The following LRMDA variants were observed in gnomAD, a reference collection of about 807,000 sequenced individuals.
LRMDA encodes the protein leucine-rich melanocyte differentiation-associated protein.
LRMDA carries 18 observed loss-of-function variants against 29.8 expected under a neutral mutation model. The observed-to-expected ratio is 0.60, with a 90% CI of 0.42 to 0.90. The LOEUF (loss-of-function observed/expected upper bound fraction) is 0.90. LRMDA is among the 40% of genes least tolerant of loss of function. The pLI, the probability that LRMDA is intolerant of heterozygous loss-of-function variation, is 0.00. For missense variants in LRMDA, 273 were observed against 273.9 expected, an observed-to-expected ratio of 1.00 and a Z score of 0.02; for synonymous variants, 125 against 109.4, an observed-to-expected ratio of 1.14 and a Z score of -0.89.
At chr10:76,155,583 A>G (rs2132170812) in intron 5 of LRMDA, among the ~76,000 whole-genome samples, 1 of 152,230 alleles carries the variant, frequency 6.6e-6, no homozygotes, top group East Asian at 1.9e-4. Context: ...CTTCCTATTT[A>G]ACTTACATCC....
At chr10:75,996,893 C>T (rs1325182384) in intron 2 of LRMDA, among the ~76,000 whole-genome samples, 5 of 151,894 alleles carry the variant, frequency 3.3e-5, no homozygotes, top group South Asian at 2.1e-4. Flanking sequence ...CCACCATGCC[C>T]GGCTAATTTT....
intron 5 of LRMDA, among the ~76,000 whole-genome samples, chr10:76,086,606 T>C (rs939662754): frequency 6.6e-6 from 1 of 152,196 alleles, no homozygotes; most frequent in African/African-American, 2.4e-5. Context: ...CCAAGTCCCT[T>C]CTCTGTGGCT....
chr10:75,771,313 C>G (rs1489224829), intron 2 of LRMDA, among the ~76,000 whole-genome samples: 2 of 151,844 alleles, frequency 1.3e-5, no homozygotes, highest in Non-Finnish European at 2.9e-5. Flanking sequence ...TCCATTTAGC[C>G]AAGAGTTCTT....
chr10:76,447,684 A>C lies in LRMDA; in HGVS notation c.602-109525A>C, dbSNP rs144178928. Among the ~76,000 whole-genome samples the C allele has an allele frequency of 2.1e-3, 316 of 152,270 alleles. 1 individual carries two copies. Among genetic ancestry groups the C allele is most frequent in the African/African-American group, 7.1e-3 (293 of 41,558 alleles). ...CTGTTCATTCCTGTCTCACATGTAC[A>C]TGGTGATATAGTTCACAGCCTTAAT... On this transcript the variant is annotated intron_variant, in intron 6 of 6. Transcript: ENST00000611255.
chr10:75,483,696 T>TAATTTTATAATA (rs1192748011), intron 2 of LRMDA, among the ~76,000 whole-genome samples: 2 of 152,228 alleles, frequency 1.3e-5, no homozygotes. Flanking sequence ...TTTAAATTAC[T>TAATTTTATAATA]AATTTTATAA....
At chr10:76,057,351 C>T (rs889875924) in intron 4 of LRMDA, among the ~76,000 whole-genome samples, 3 of 152,150 alleles carry the variant, frequency 2.0e-5, no homozygotes, top group Non-Finnish European at 2.9e-5. Context: ...TAAGGCCTGG[C>T]ACATAGTAGG....
At chr10:76,062,845 C>A (rs970901393) in intron 5 of LRMDA, among the ~76,000 whole-genome samples, 2 of 152,110 alleles carry the variant, frequency 1.3e-5, no homozygotes, top group African/African-American at 4.8e-5. Context: ...AAGGTTCAAG[C>A]CCCCAAAGAA....
intron 2 of LRMDA, among the ~76,000 whole-genome samples, chr10:75,494,783 G>GT (rs1845026241): frequency 6.6e-6 from 1 of 152,134 alleles, no homozygotes; most frequent in Admixed American, 6.5e-5. Context: ...TTACAGGCGT[G>GT]AGCCACCGTG....
chr10:76,276,173 C>T (rs1840132333), intron 5 of LRMDA, among the ~76,000 whole-genome samples: 1 of 151,966 alleles, frequency 6.6e-6, no homozygotes, highest in South Asian at 2.1e-4. Context: ...GAATGGGTCT[C>T]CTGTTCACCC....
At chr10:75,528,519 A>G (rs1035154595) in intron 2 of LRMDA, among the ~76,000 whole-genome samples, 1 of 152,210 alleles carries the variant, frequency 6.6e-6, no homozygotes, top group African/African-American at 2.4e-5. Context: ...TCCCTGAAGC[A>G]GGGGTTGAGA....
chr10:75,972,712 T>A (rs980205417), intron 2 of LRMDA, among the ~76,000 whole-genome samples: 2 of 152,164 alleles, frequency 1.3e-5, no homozygotes, highest in Non-Finnish European at 2.9e-5. Context: ...TCCAAATACA[T>A]GAGAGATCGG....
chr10:75,727,307 A>G (rs1231750931), intron 2 of LRMDA, among the ~76,000 whole-genome samples: 3 of 152,254 alleles, frequency 2.0e-5, no homozygotes, highest in African/African-American at 7.2e-5. Flanking sequence ...GAGCGTGTGT[A>G]TGTGTGTTTG....
intron 2 of LRMDA, among the ~76,000 whole-genome samples, chr10:75,543,313 C>G (rs1332313056): frequency 6.6e-6 from 1 of 152,190 alleles, no homozygotes; most frequent in Non-Finnish European, 1.5e-5. Flanking sequence ...TAACTCTATT[C>G]TATTATATAA....
At chr10:75,835,967 G>A (rs1844428171) in intron 2 of LRMDA, among the ~76,000 whole-genome samples, 1 of 152,158 alleles carries the variant, frequency 6.6e-6, no homozygotes, top group Non-Finnish European at 1.5e-5. Context: ...TACAGTAGAT[G>A]CTCATCAAAC....
At chr10:76,422,520 A>G (rs1407973032) in intron 6 of LRMDA, among the ~76,000 whole-genome samples, 3 of 152,116 alleles carry the variant, frequency 2.0e-5, no homozygotes, top group Non-Finnish European at 2.9e-5. Flanking sequence ...CAGCCCCGCC[A>G]TGCTCTCCTC....
At chr10:76,448,372 CTT>C (rs370448609) in intron 6 of LRMDA, among the ~76,000 whole-genome samples, 9 of 152,178 alleles carry the variant, frequency 5.9e-5, no homozygotes, top group East Asian at 1.9e-4. Context: ...TAATATCTCT[CTT>C]AGCATAAATT....
chr10:75,650,921 C>T (rs1841591038), intron 2 of LRMDA, among the ~76,000 whole-genome samples: 2 of 152,220 alleles, frequency 1.3e-5, no homozygotes, highest in South Asian at 2.1e-4. Context: ...TATAGATGGT[C>T]GCCCCAGCAT....
At chr10:76,209,678 T>A (rs1223850021) in intron 5 of LRMDA, among the ~76,000 whole-genome samples, 1 of 152,230 alleles carries the variant, frequency 6.6e-6, no homozygotes, top group African/African-American at 2.4e-5. Context: ...ATGATTTTTG[T>A]TCCAAAGAAG....
intron 6 of LRMDA, among the ~76,000 whole-genome samples, chr10:76,494,235 G>T (rs1179017147): frequency 6.6e-6 from 1 of 151,640 alleles, no homozygotes; most frequent in African/African-American, 2.4e-5. Flanking sequence ...AAGTGGGGAA[G>T]TGGCCATCCT....
Sources: gnomAD v4.1 joint callset for allele counts (sites outside exome capture counted in the v4.1 genomes callset) on GRCh38, gnomAD v4.1.1 for gene constraint, MANE v1.5 for transcripts, NCBI Gene and HGNC (gene_info 2026-07-23, HGNC 2026-07-21) for gene names.